The following LRRN2 variants were observed in gnomAD, a reference collection of about 807,000 sequenced individuals.
LRRN2 encodes the protein leucine-rich repeat neuronal protein 2.
LRRN2 carries 10 observed loss-of-function variants against 35.7 expected under a neutral mutation model. That is an observed-to-expected ratio of 0.28 (90% CI 0.17 to 0.47). The LOEUF (loss-of-function observed/expected upper bound fraction) is 0.47. Among genes scored for constraint, LRRN2 ranks in the 20% least tolerant of loss-of-function variants. LRRN2 has a pLI of 0.99. For missense variants in LRRN2, 731 were observed against 940.3 expected (o/e 0.78, Z 2.91); for synonymous variants, 391 against 409.6 (o/e 0.95, Z 0.55).
intron 1 of LRRN2, among the ~76,000 whole-genome samples, chr1:204,662,681 C>T (rs1558419688): frequency 6.6e-6 from 1 of 152,186 alleles, no homozygotes; most frequent in Non-Finnish European, 1.5e-5. Flanking sequence ...AATTGGTCTT[C>T]AGGTAAAGAA....
intron 1 of LRRN2, among the ~76,000 whole-genome samples, chr1:204,632,802 C>T (rs1372224448): frequency 2.0e-5 from 3 of 151,678 alleles, no homozygotes; most frequent in Non-Finnish European, 2.9e-5. Flanking sequence ...GGCGTGGTGG[C>T]GGGCGCCTGA....
intron 1 of LRRN2, among the ~76,000 whole-genome samples, chr1:204,663,286 C>T (rs948237959): frequency 3.9e-5 from 6 of 152,118 alleles, no homozygotes; most frequent in African/African-American, 7.2e-5. Context: ...TAAACTGTAC[C>T]GCATCACCAC....
At chr1:204,673,716 G>A (rs1481422060) in intron 1 of LRRN2, among the ~76,000 whole-genome samples, 1 of 152,220 alleles carries the variant, frequency 6.6e-6, no homozygotes, top group Admixed American at 6.5e-5. Context: ...GGTTGGCTAA[G>A]CTTTGCCGAA....
chr1:204,663,782 C>T (rs1377126959), intron 1 of LRRN2: 1 of 152,166 alleles, frequency 6.6e-6, no homozygotes, highest in Non-Finnish European at 1.5e-5. Context: ...AATGGAGAGG[C>T]AGGATGCAGT....
At chr1:204,624,744 G>T in intron 1 of LRRN2, among the ~76,000 whole-genome samples, 1 of 123,560 alleles carries the variant, frequency 8.1e-6, no homozygotes, top group Non-Finnish European at 1.7e-5. Flanking sequence ...CTCCCTGGCG[G>T]TTCCCCCCCC....
chr1:204,632,621 T>G (rs1172579320), intron 1 of LRRN2, among the ~76,000 whole-genome samples: 2 of 107,534 alleles, frequency 1.9e-5, no homozygotes, highest in African/African-American at 7.1e-5. Flanking sequence ...AGAGTGAGAC[T>G]CTGTCTCAAA....
At chr1:204,660,986 G>C (rs1267049101) in intron 1 of LRRN2, among the ~76,000 whole-genome samples, 1 of 152,202 alleles carries the variant, frequency 6.6e-6, no homozygotes, top group East Asian at 1.9e-4. Flanking sequence ...CTAATGCTTG[G>C]AGGATTGGGG....
chr1:204,619,294 C>A lies in LRRN2; in HGVS notation c.699G>T (p.Leu233=), dbSNP rs1666658960. 6.2e-7 allele frequency: 1 copy of A among 1,614,204 alleles called. No homozygotes were observed. Among genetic ancestry groups the A allele is most frequent in the Admixed American group, 1.7e-5 (1 of 60,036 alleles). Residue 233 remains leucine, a synonymous_variant, in exon 2 of 2, where the codon CTG becomes CTT. Coordinates refer to ENST00000367177, the MANE Select transcript of LRRN2 (RefSeq NM_201630.2). ...MNLREISDYA[L]EGLQSLESLS... Reference sequence around the variant, plus strand: ...GGCTCTCCAGGCTTTGCAGCCCCTCCAGGGCATAGTCGGAGATCTCCCGCA... The same window carrying A: ...GGCTCTCCAGGCTTTGCAGCCCCTCAAGGGCATAGTCGGAGATCTCCCGCA...
At chr1:204,668,890 C>T (rs952660449) in intron 1 of LRRN2, among the ~76,000 whole-genome samples, 11 of 152,152 alleles carry the variant, frequency 7.2e-5, no homozygotes, top group Non-Finnish European at 1.6e-4. Context: ...GTGGTGCTAC[C>T]CTAGCTCACT....
In LRRN2 at chr1:204,619,057, C is replaced by T. The variant is rs1377225391; in HGVS notation, c.936G>A (p.Leu312=). 41 of 1,606,022 alleles carry T rather than the reference C, an allele frequency of 2.6e-5. No individual in the cohort carries two copies. Among genetic ancestry groups the T allele is most frequent in the Non-Finnish European group, 3.3e-5 (39 of 1,175,006 alleles). The change falls in exon 2 of 2, where the codon CTG becomes CTA. Residue 312 remains leucine (L), a synonymous_variant. Transcript: ENST00000367177. ...DKFALVNLPE[L]TKLDITNNPR... is the part of the protein sequence containing the mutation. ...GGTTATTGGTGATGTCCAGCTTGGT[C>T]AGCTCGGGGAGGTTCACCAGGGCAA...
chr1:204,669,668 A>G (rs1438566891), intron 1 of LRRN2, among the ~76,000 whole-genome samples: 1 of 152,204 alleles, frequency 6.6e-6, no homozygotes, highest in East Asian at 1.9e-4. Context: ...AGGAGAAGGA[A>G]GGGATGGGAA....
intron 1 of LRRN2, among the ~76,000 whole-genome samples, chr1:204,668,787 G>A (rs1049922936): frequency 6.6e-6 from 1 of 152,168 alleles, no homozygotes; most frequent in Non-Finnish European, 1.5e-5. Flanking sequence ...AATCGAACAC[G>A]ATAATATATG....
chr1:204,669,733 C>T (rs1284033706), intron 1 of LRRN2, among the ~76,000 whole-genome samples: 1 of 78,964 alleles, frequency 1.3e-5, no homozygotes, highest in East Asian at 3.0e-4. Flanking sequence ...CCAAAAGGAG[C>T]TCAGCAGTCA....
In LRRN2 at chr1:204,618,125, C is replaced by T. The variant is rs761875681; in HGVS notation, c.1868G>A (p.Arg623Lys). The T allele has an allele frequency of 2.5e-6, 4 of 1,614,008 alleles. No individual in the cohort carries two copies. In the South Asian group the frequency reaches 3.3e-5, roughly 13 times the overall value. ...ARTKEATSCH[R>K]ALGDRPGLIA... is the part of the protein sequence containing the mutation. Reference sequence around the variant, plus strand: ...GAGCCCAGGACGGTCCCCTAAGGCTCTGTGGCAAGAAGTGGCCTCTTTGGT... The same window carrying T: ...GAGCCCAGGACGGTCCCCTAAGGCTTTGTGGCAAGAAGTGGCCTCTTTGGT... Residue 623 changes from arginine (R) to lysine (K), a missense_variant, in exon 2 of 2, where the codon AGA becomes AAA. Transcript: ENST00000367177.
intron 1 of LRRN2, among the ~76,000 whole-genome samples, chr1:204,667,327 A>T (rs187349177): frequency 3.5e-4 from 53 of 152,292 alleles, no homozygotes; most frequent in African/African-American, 1.3e-3. Flanking sequence ...GGTACTGTGG[A>T]CTTCCCTGTA....
chr1:204,673,664 C>T (rs920502011), intron 1 of LRRN2, among the ~76,000 whole-genome samples: 4 of 152,216 alleles, frequency 2.6e-5, no homozygotes, highest in African/African-American at 9.7e-5. Flanking sequence ...ACACAGTAAA[C>T]CTGAGGCTTC....
At chr1:204,624,566 C>T (rs574678965) in intron 1 of LRRN2, among the ~76,000 whole-genome samples, 2 of 152,338 alleles carry the variant, frequency 1.3e-5, no homozygotes, top group South Asian at 4.2e-4. Context: ...CACAATGCCC[C>T]TGATTAAACT....
At chr1:204,640,397 A>T (rs1339087712) in intron 1 of LRRN2, among the ~76,000 whole-genome samples, 1 of 152,214 alleles carries the variant, frequency 6.6e-6, no homozygotes, top group Non-Finnish European at 1.5e-5. Context: ...GGGAGACACA[A>T]ACATTCAGAC....
rs181948177 is a variant in LRRN2 at position 204,676,577 on chromosome 1, G to A, written c.-227+8743C>T. On this transcript the variant is annotated intron_variant, in intron 1 of 1. Transcript: ENST00000367177. Reference sequence around the variant, plus strand: ...GGGCTCAATAACTTCTATGAGCAAGGTGCCCTGGGCATTAATCACAGCCCC... The same window carrying A: ...GGGCTCAATAACTTCTATGAGCAAGATGCCCTGGGCATTAATCACAGCCCC... 1.3e-3 allele frequency among the ~76,000 whole-genome samples: 198 copies of A among 152,222 alleles called. 4 individuals carry two copies. Among genetic ancestry groups the A allele is most frequent in the Admixed American group, 0.011 (172 of 15,290 alleles).
Sources: gnomAD v4.1 joint callset for allele counts (sites outside exome capture counted in the v4.1 genomes callset) on GRCh38, gnomAD v4.1.1 for gene constraint, MANE v1.5 for transcripts, NCBI Gene and HGNC (gene_info 2026-07-23, HGNC 2026-07-21) for gene names.